The following ROS1 variants were observed in gnomAD, a reference collection of about 807,000 sequenced individuals.
ROS1 encodes ROS proto-oncogene 1, receptor tyrosine kinase, also known as proto-oncogene tyrosine-protein kinase ROS.
Under a neutral mutation model 273.5 loss-of-function variants are expected in ROS1, and 263 were observed. The observed-to-expected ratio is 0.96, with a 90% CI of 0.87 to 1.06. The LOEUF (loss-of-function observed/expected upper bound fraction) is 1.06, where lower values mean the gene tolerates loss of function less well. ROS1 is among the 50% of genes least tolerant of loss of function. The probability of loss-of-function intolerance (pLI) is 0.00; values close to 1 mark genes in which losing one functional copy is unlikely to be tolerated. For missense variants in ROS1, 2,833 were observed against 2,751.1 expected (o/e 1.03, Z -0.67); for synonymous variants, 1,008 against 954.1 (o/e 1.06, Z -1.04).
intron 26 of ROS1, among the ~76,000 whole-genome samples, chr6:117,356,297 G>C (rs896664608): frequency 3.3e-5 from 5 of 152,170 alleles, no homozygotes; most frequent in African/African-American, 4.8e-5. Flanking sequence ...TCTGTAAAAT[G>C]AGGATATTAG....
Position 117,383,518 on chromosome 6 carries a change from A to T in ROS1, c.2290-10T>A. 1 of 1,605,288 alleles carries T rather than the reference A, an allele frequency of 6.2e-7. No individual in the cohort carries two copies. The highest frequency in any genetic ancestry group is 8.5e-7 in the Non-Finnish European group (1 of 1,172,044). ...CAGACTGCCTTTGTATCTAAAAAAC[A>T]TAATTGTATGGCCAGTTAATGGCTT... On this transcript the variant is annotated splice_polypyrimidine_tract_variant and intron_variant, in intron 16 of 43. Transcript: ENST00000368507.
rs1353853010 is a variant in ROS1, at chr6:117,337,196, G to A, written c.5206C>T (p.Leu1736Phe). Residue 1736 changes from leucine (L) to phenylalanine (F), a missense_variant, in exon 32 of 44, where the codon CTT (leucine) becomes TTT (phenylalanine). Physicochemically the swap from Leu to Phe is conservative, Grantham distance 22. Transcript: ENST00000368507. The stretch of plus-strand genomic sequence containing the variant: ...CCTTTTGTCTTAAAGCTTTCTGGAA[G>A]TGAGGTGCTATTTTCTCCCGTCTTA... ...VYKTGENSTS[L>F]PESFKTKAGV... 6.2e-7 allele frequency: 1 copy of A among 1,612,300 alleles called. No homozygotes were observed. The highest frequency in any genetic ancestry group is 8.5e-7 in the Non-Finnish European group (1 of 1,178,924).
At chr6:117,341,862 A>G (rs1261575991) in intron 29 of ROS1, among the ~76,000 whole-genome samples, 2 of 152,184 alleles carry the variant, frequency 1.3e-5, no homozygotes, top group Admixed American at 1.3e-4. Context: ...GCTCAAGGAT[A>G]TGGCCAACGG....
In ROS1 at chr6:117,385,873, G is replaced by A. The variant is rs1772537834; in HGVS notation, c.2111-12C>T. ...ATACCAATCCATGTCTCAAAATAAA[G>A]TGAATGATTAGCAGTTATTTTTCAT... On this transcript the variant is annotated splice_polypyrimidine_tract_variant and intron_variant, in intron 15 of 43. Coordinates refer to ENST00000368507, the MANE Select transcript of ROS1 (RefSeq NM_001378902.1). The A allele has an allele frequency of 6.2e-7, 1 of 1,611,358 alleles. No individual in the cohort carries two copies. The highest frequency in any genetic ancestry group is 8.5e-7 in the Non-Finnish European group (1 of 1,177,754).
chr6:117,388,772 T>A (rs930840096), intron 13 of ROS1, among the ~76,000 whole-genome samples: 3 of 152,208 alleles, frequency 2.0e-5, no homozygotes, highest in Non-Finnish European at 4.4e-5. Context: ...TACTAATGTG[T>A]TTTAATTTTA....
At chr6:117,339,299 CA>C (rs1175516900) in intron 31 of ROS1, among the ~76,000 whole-genome samples, 4 of 152,118 alleles carry the variant, frequency 2.6e-5, no homozygotes, top group African/African-American at 9.7e-5. Context: ...CCAGGGAAGA[CA>C]AAAGATTGGA....
chr6:117,301,099 T>C lies in ROS1; in HGVS notation c.6590A>G (p.Asp2197Gly). The C allele has an allele frequency of 6.2e-7, 1 of 1,601,272 alleles. No homozygotes were observed. The highest frequency in any genetic ancestry group is 8.5e-7 in the Non-Finnish European group (1 of 1,175,116). The change falls in exon 43 of 44, where the codon GAC (aspartate) becomes GGC (glycine). Residue 2197 changes from aspartate (D) to glycine (G), a missense_variant. Physicochemically the swap from Asp to Gly is moderately conservative, Grantham distance 94 (BLOSUM62 -1). Coordinates refer to ENST00000368507, the MANE Select transcript of ROS1 (RefSeq NM_001378902.1). Reference sequence around the variant, plus strand: ...AATTCTATGAAAAGTAGGTCTTTGGTCGGGTTCTTGAGCCCAGCACTGGGT... The same window carrying C: ...AATTCTATGAAAAGTAGGTCTTTGGCCGGGTTCTTGAGCCCAGCACTGGGT... The part of the protein sequence containing the change: ...LMTQCWAQEP[D>G]QRPTFHRIQD...
chr6:117,371,670 G>A (rs1780785893), intron 18 of ROS1, among the ~76,000 whole-genome samples: 1 of 152,192 alleles, frequency 6.6e-6, no homozygotes, highest in South Asian at 2.1e-4. Context: ...TGCTTTTTCA[G>A]CAGGGAGGCT....
intron 1 of ROS1, among the ~76,000 whole-genome samples, chr6:117,423,264 A>G (rs911200269): frequency 1.3e-5 from 2 of 152,140 alleles, no homozygotes; most frequent in African/African-American, 4.8e-5. Context: ...TAAAGAATTT[A>G]CTCATGTAAC....
At chr6:117,386,071 T>G (rs1449043854) in intron 15 of ROS1, among the ~76,000 whole-genome samples, 1 of 152,222 alleles carries the variant, frequency 6.6e-6, no homozygotes, top group Non-Finnish European at 1.5e-5. Context: ...ACATCGAGCA[T>G]CTCCTCTTTG....
intron 2 of ROS1, among the ~76,000 whole-genome samples, chr6:117,418,164 G>A (rs2128746008): frequency 6.6e-6 from 1 of 152,270 alleles, no homozygotes; most frequent in Non-Finnish European, 1.5e-5. Context: ...AAATATTGGA[G>A]ACGATCTCAA....
At chr6:117,406,716 T>C (rs1225667076) in intron 5 of ROS1, among the ~76,000 whole-genome samples, 2 of 152,248 alleles carry the variant, frequency 1.3e-5, no homozygotes, top group African/African-American at 2.4e-5. Context: ...TTTTAAGTAG[T>C]ATCACTTAAT....
intron 7 of ROS1, among the ~76,000 whole-genome samples, chr6:117,400,839 G>A (rs1054649776): frequency 2.0e-5 from 3 of 152,078 alleles, no homozygotes; most frequent in South Asian, 2.1e-4. Flanking sequence ...TCACATCTCC[G>A]TGGTGATAAC....
intron 33 of ROS1, among the ~76,000 whole-genome samples, 176 bp from the exon 34 acceptor site, chr6:117,326,590 T>C (rs747398442): frequency 8.5e-5 from 13 of 152,132 alleles, no homozygotes; most frequent in African/African-American, 3.1e-4. Context: ...GGTTTTATAG[T>C]GATCCTAGTG....
intron 42 of ROS1, chr6:117,301,764 A>G (rs1462361333): frequency 2.0e-5 from 3 of 152,250 alleles, no homozygotes; most frequent in Admixed American, 6.5e-5. Flanking sequence ...CATTTAAAAG[A>G]TTTACTCCAT....
intron 18 of ROS1, among the ~76,000 whole-genome samples, chr6:117,375,038 T>C (rs866386297): frequency 9.2e-5 from 14 of 152,316 alleles, no homozygotes; most frequent in African/African-American, 3.1e-4. Context: ...TGCAAAAATA[T>C]GGAACCAGTC....
In ROS1 at chr6:117,288,184, G is replaced by A. The variant is rs1773569594; in HGVS notation, c.*308C>T. The A allele has an allele frequency of 2.7e-6, 1 of 367,630 alleles. No homozygotes were observed. Among genetic ancestry groups the A allele is most frequent in the African/African-American group, 2.1e-5 (1 of 48,446 alleles). 22.8% of individuals were successfully genotyped at this position (367,630 alleles called of 1,614,324 possible). ...TTATTACAGCCCAAACTGAAAGGTG[G>A]GTAAGAGCCTAAAGCACCTCAAGGG... On this transcript the variant is annotated 3_prime_UTR_variant, in exon 44 of 44. Transcript: ENST00000368507.
chr6:117,425,923 A>C lies in ROS1; in HGVS notation c.-267T>G. ...TCCCATAAAGTCACCCAGTGACTAA[A>C]GGTTAGTTCTTAGAAGTGCACTTCA... On this transcript the variant is annotated 5_prime_UTR_variant, in exon 1 of 44. Transcript: ENST00000368507. 2.5e-6 allele frequency: 1 copy of C among 398,856 alleles called. No individual in the cohort carries two copies. The highest frequency in any genetic ancestry group is 4.5e-6 in the Non-Finnish European group (1 of 221,770). The allele number at this position is 398,856 out of a possible 1,614,324, so 24.7% of individuals were successfully genotyped here.
At position 117,389,469 on chromosome 6, in the gene ROS1, A is replaced by G. The variant is rs2128704264; in HGVS notation, c.1667T>C (p.Ile556Thr). 6.2e-7 allele frequency: 1 copy of G among 1,614,200 alleles called. No homozygotes were observed. The highest frequency in any genetic ancestry group is 8.5e-7 in the Non-Finnish European group (1 of 1,180,040). The change falls in exon 13 of 44, where the codon ATC becomes ACC. Residue 556 changes from isoleucine (I) to threonine (T), a missense_variant. Physicochemically the swap from Ile to Thr is moderately conservative, Grantham distance 89 (BLOSUM62 -1). Transcript: ENST00000368507. The part of the protein sequence containing the change: ...IEEFGFGNLV[I>T]FGSSSQLHPL... ...GTGCAGCTGGGAGGATGAGCCAAAGATGACCAAGTTACCAAACCCAAATTC... is the reference window on the plus strand; with the variant it reads ...GTGCAGCTGGGAGGATGAGCCAAAGGTGACCAAGTTACCAAACCCAAATTC...
Sources: allele counts gnomAD v4.1 joint callset (sites outside exome capture counted in the v4.1 genomes callset), GRCh38; gene constraint gnomAD v4.1.1; transcripts MANE v1.5; gene names NCBI Gene and HGNC (gene_info 2026-07-23, HGNC 2026-07-21).